ADAMTS9: variants seen among roughly 807,000 people sequenced by gnomAD.
ADAMTS9 encodes ADAM metallopeptidase with thrombospondin type 1 motif 9.
Under a neutral mutation model 257.1 loss-of-function variants are expected in ADAMTS9, and 107 were observed. That is an observed-to-expected ratio of 0.42 (90% CI 0.36 to 0.49). The LOEUF (loss-of-function observed/expected upper bound fraction) is 0.49, where lower values mean the gene tolerates loss of function less well. Among genes scored for constraint, ADAMTS9 ranks in the 20% least tolerant of loss-of-function variants. ADAMTS9 has a pLI of 0.03. For missense variants in ADAMTS9, 2,353 were observed against 2,469.1 expected, an observed-to-expected ratio of 0.95 and a Z score of 1.00; for synonymous variants, 982 against 880.9, an observed-to-expected ratio of 1.11 and a Z score of -2.03.
chr3:64,562,285 TA>T (rs970288549), intron 29 of ADAMTS9, among the ~76,000 whole-genome samples: 2 of 152,236 alleles, frequency 1.3e-5, no homozygotes, highest in Non-Finnish European at 2.9e-5. Flanking sequence ...GATAAGGCGA[TA>T]TTTTTTTAAC....
chr3:64,668,668 G>A (rs573259514), intron 3 of ADAMTS9, among the ~76,000 whole-genome samples: 1 of 152,144 alleles, frequency 6.6e-6, no homozygotes, highest in Admixed American at 6.5e-5. Flanking sequence ...CTGGAGGCAC[G>A]GGCTGTGCTG....
chr3:64,671,099 T>C (rs1701474546), intron 3 of ADAMTS9, among the ~76,000 whole-genome samples: 1 of 152,204 alleles, frequency 6.6e-6, no homozygotes, highest in African/African-American at 2.4e-5. Context: ...CAAATGTTTA[T>C]AGTGGCTTTA....
intron 36 of ADAMTS9, among the ~76,000 whole-genome samples, chr3:64,540,794 C>A (rs1368828927): frequency 6.6e-6 from 1 of 150,868 alleles, no homozygotes; most frequent in Non-Finnish European, 1.5e-5. Flanking sequence ...TGCACTTTCA[C>A]CTACTTCATT....
At chr3:64,610,039 G>T (rs1389662269) in intron 22 of ADAMTS9, among the ~76,000 whole-genome samples, 4 of 152,144 alleles carry the variant, frequency 2.6e-5, no homozygotes, top group Non-Finnish European at 5.9e-5. Flanking sequence ...TTCAGCAAGT[G>T]GTGTTGAGAC....
At chr3:64,549,042 G>GCTTC (rs1219121913) in intron 31 of ADAMTS9, among the ~76,000 whole-genome samples, 5 of 152,152 alleles carry the variant, frequency 3.3e-5, no homozygotes, top group Admixed American at 3.3e-4. Flanking sequence ...AAGCCTCCAG[G>GCTTC]TAATAGAGGT....
chr3:64,546,772 C>T lies in ADAMTS9; in HGVS notation c.5050G>A (p.Gly1684Ser), dbSNP rs751751974. The change falls in exon 32 of 40, where the codon GGC (glycine) becomes AGC (serine). Residue 1684 changes from glycine to serine, a missense_variant. Around this residue, in one of 3 missense-constraint regions of ADAMTS9, gnomAD observed 1,402 missense variants for 1,441.4 expected, o/e 0.97. Transcript: ENST00000498707. ...CTTCTACTTACGCTCCCCCAGTTGCCAACTCTCCAGGTGGCCGAGACAGGG... is the reference window on the plus strand; with the variant it reads ...CTTCTACTTACGCTCCCCCAGTTGCTAACTCTCCAGGTGGCCGAGACAGGG... ...DCPVSATWRV[G>S]NWGSCSVSCG... 8.7e-6 allele frequency: 14 copies of T among 1,604,030 alleles called. No individual in the cohort carries two copies. The East Asian group carries it at 2.9e-4, about 33-fold the overall frequency.
At chr3:64,572,885 C>T (rs549116372) in intron 28 of ADAMTS9, among the ~76,000 whole-genome samples, 276 of 152,094 alleles carry the variant, frequency 1.8e-3, no homozygotes, top group African/African-American at 6.4e-3. Context: ...CAGGACCATT[C>T]TAGCCAACAT....
chr3:64,615,139 A>G, intron 21 of ADAMTS9, 182 bp downstream of exon 21: 1 of 663,982 alleles, frequency 1.5e-6, no homozygotes, highest in Non-Finnish European at 2.5e-6. Context: ...CTGGTAGACT[A>G]GTTACATCCA....
rs553457159 is a variant in ADAMTS9, at chr3:64,569,637, T to A, written c.4357-1102A>T. On this transcript the variant is annotated intron_variant, in intron 28 of 39. Coordinates refer to ENST00000498707, the MANE Select transcript of ADAMTS9 (RefSeq NM_182920.2). The stretch of plus-strand genomic sequence containing the variant: ...ACTCAACCACTATTACCAAGCATGC[T>A]CAGTTATCCATTCATAAATGTACCA... Among the ~76,000 whole-genome samples the A allele has an allele frequency of 5.1e-3, 782 of 152,044 alleles. 2 individuals carry two copies. Among genetic ancestry groups the A allele is most frequent in the African/African-American group, 0.018 (756 of 41,418 alleles).
chr3:64,554,597 C>T (rs535129559), intron 30 of ADAMTS9, among the ~76,000 whole-genome samples: 58 of 152,318 alleles, frequency 3.8e-4, no homozygotes, highest in African/African-American at 1.4e-3. Flanking sequence ...CAATTAGCCT[C>T]ATTTTAATTT....
At position 64,681,359 on chromosome 3, in the gene ADAMTS9, C is replaced by A; in HGVS notation, c.521G>T (p.Gly174Val). The change falls in exon 3 of 40, where the codon GGC becomes GTC. Residue 174 changes from glycine to valine, a missense_variant. Gly to Val is a moderately radical substitution (Grantham distance 109). Around this residue, in one of 3 missense-constraint regions of ADAMTS9, gnomAD observed 591 missense variants for 569.6 expected, o/e 1.04. Coordinates refer to ENST00000498707, the MANE Select transcript of ADAMTS9 (RefSeq NM_182920.2). Reference protein sequence around the residue: ...AVISLCSGMLGTFRSHDGDYF... With the variant: ...AVISLCSGMLVTFRSHDGDYF... ...ATCCCCATCATGAGACCGGAATGTG[C>A]CCAGCTGCAAATGAAGAGAGATGGG... 1 of 1,608,300 alleles carries A rather than the reference C, an allele frequency of 6.2e-7. No individual in the cohort carries two copies. Among genetic ancestry groups the A allele is most frequent in the Non-Finnish European group, 8.5e-7 (1 of 1,177,532 alleles).
At chr3:64,543,289 C>G (rs1335229846) in intron 32 of ADAMTS9, among the ~76,000 whole-genome samples, 1 of 152,152 alleles carries the variant, frequency 6.6e-6, no homozygotes, top group African/African-American at 2.4e-5. Context: ...CATTCTGATA[C>G]CAAAGCCTGG....
intron 3 of ADAMTS9, among the ~76,000 whole-genome samples, chr3:64,672,963 G>A (rs969318309): frequency 2.7e-5 from 4 of 147,146 alleles, no homozygotes; most frequent in East Asian, 3.9e-4. Flanking sequence ...TTAACATCAC[G>A]TTATAATTGC....
intron 12 of ADAMTS9, among the ~76,000 whole-genome samples, chr3:64,638,652 C>CATAT (rs1700560006): frequency 6.6e-6 from 1 of 152,114 alleles, no homozygotes; most frequent in African/African-American, 2.4e-5. Flanking sequence ...CCTGTAACAC[C>CATAT]ATATATACCA....
At chr3:64,526,630 C>G (rs563466850) in intron 38 of ADAMTS9, among the ~76,000 whole-genome samples, 18 of 152,302 alleles carry the variant, frequency 1.2e-4, no homozygotes, top group African/African-American at 3.8e-4. Context: ...TCTGTATCAT[C>G]AAAACTTATG....
At position 64,687,527 on chromosome 3, in the gene ADAMTS9, G is replaced by A. The variant is rs1157601939; in HGVS notation, c.115+16C>T. 3 of 1,518,732 alleles carry A rather than the reference G, an allele frequency of 2.0e-6. No homozygotes were observed. The highest frequency in any genetic ancestry group is 2.5e-5 in the East Asian group (1 of 39,588). 94.1% of individuals were successfully genotyped at this position (1,518,732 alleles called of 1,614,324 possible). ...CGTCGGGGCCGGCGGGGTCCCGGGG[G>A]CCGGAGCCTGGTTACCTTGCCTCGG... On this transcript the variant is annotated intron_variant, in intron 1 of 39. Transcript: ENST00000498707. The surrounding 1 kb of genome is among the most constrained non-coding windows in gnomAD (Gnocchi z 4.4).
chr3:64,541,739 A>C, intron 33 of ADAMTS9, 99 bp downstream of exon 33: 3 of 1,572,896 alleles, frequency 1.9e-6, no homozygotes. Context: ...GATTTCCTTC[A>C]GAAAAAATTC....
intron 32 of ADAMTS9, among the ~76,000 whole-genome samples, chr3:64,545,577 G>A (rs9826837): frequency 0.88 from 133,136 of 151,948 alleles, 59,283 homozygotes; most frequent in South Asian, 0.97. Flanking sequence ...TTGGACACAG[G>A]GTGGGGAACA....
chr3:64,565,960 C>A (rs1310841704), intron 29 of ADAMTS9, among the ~76,000 whole-genome samples: 3 of 152,140 alleles, frequency 2.0e-5, no homozygotes, highest in Non-Finnish European at 4.4e-5. Context: ...AGCAGAGAAA[C>A]TGTAAAGATT....
Sources: allele counts gnomAD v4.1 joint callset (sites outside exome capture counted in the v4.1 genomes callset), GRCh38; gene constraint gnomAD v4.1.1; regional missense constraint gnomAD v4.1.1; non-coding constraint Gnocchi (gnomAD v3.1); transcripts MANE v1.5; gene names NCBI Gene and HGNC (gene_info 2026-07-23, HGNC 2026-07-21).